The following FTO variants were observed in gnomAD, a reference collection of about 807,000 sequenced individuals.
FTO encodes FTO alpha-ketoglutarate dependent dioxygenase.
Under a neutral mutation model 63.9 loss-of-function variants are expected in FTO, and 47 were observed. That is an observed-to-expected ratio of 0.74 (90% CI 0.58 to 0.94). The LOEUF (loss-of-function observed/expected upper bound fraction) is 0.94, where lower values mean the gene tolerates loss of function less well. Ranked by LOEUF, FTO falls within the 40% of genes least tolerant of loss-of-function variation. FTO has a pLI of 0.00. For missense variants in FTO, 562 were observed against 618.1 expected (o/e 0.91, Z 0.96); for synonymous variants, 207 against 224.4 (o/e 0.92, Z 0.69).
chr16:53,874,640 T>G (rs995790315), intron 5 of FTO, among the ~76,000 whole-genome samples: 1 of 152,066 alleles, frequency 6.6e-6, no homozygotes, highest in African/African-American at 2.4e-5. Context: ...TACAACAAAG[T>G]GAGAGGTACA....
At chr16:53,725,827 A>G (rs1364284915) in intron 1 of FTO, among the ~76,000 whole-genome samples, 2 of 152,110 alleles carry the variant, frequency 1.3e-5, no homozygotes, top group Non-Finnish European at 2.9e-5. Context: ...TTCAAGTTCA[A>G]ACCTCTAAAG....
intron 8 of FTO, among the ~76,000 whole-genome samples, chr16:53,948,955 AGTGT>A (rs2082710444): frequency 6.6e-6 from 1 of 152,094 alleles, no homozygotes; most frequent in African/African-American, 2.4e-5. Flanking sequence ...CTTGCGCGTG[AGTGT>A]GTATGTGTGT....
intron 8 of FTO, among the ~76,000 whole-genome samples, chr16:53,957,976 T>G (rs542141860): frequency 5.9e-5 from 9 of 152,244 alleles, no homozygotes; most frequent in Non-Finnish European, 1.3e-4. Context: ...GACTGAATAT[T>G]TATAGTTTTG....
intron 8 of FTO, among the ~76,000 whole-genome samples, chr16:54,034,501 T>C (rs1184774561): frequency 6.6e-6 from 1 of 152,196 alleles, no homozygotes; most frequent in Admixed American, 6.5e-5. Flanking sequence ...AGTTCTGTTA[T>C]AGTCATTATC....
chr16:53,766,360 T>C (rs9932600), intron 1 of FTO, among the ~76,000 whole-genome samples: 111,247 of 151,916 alleles, frequency 0.73, 42,059 homozygotes, highest in African/African-American at 0.93. Flanking sequence ...TGAGTAGCTG[T>C]GACTACAGGC....
intron 1 of FTO, among the ~76,000 whole-genome samples, chr16:53,767,486 T>A (rs1207451550): frequency 6.6e-6 from 1 of 152,084 alleles, no homozygotes; most frequent in Non-Finnish European, 1.5e-5. Flanking sequence ...ACATGTACCC[T>A]AAAACTTAAA....
At chr16:53,759,986 G>A (rs1381461090) in intron 1 of FTO, among the ~76,000 whole-genome samples, 1 of 152,080 alleles carries the variant, frequency 6.6e-6, no homozygotes, top group African/African-American at 2.4e-5. Context: ...TGGTTGCCTG[G>A]CTGTTGGGAT....
chr16:53,883,626 A>AAG (rs1567396439), intron 6 of FTO, among the ~76,000 whole-genome samples: 2 of 145,846 alleles, frequency 1.4e-5, no homozygotes, highest in African/African-American at 5.2e-5. Context: ...CTATCTCAAA[A>AAG]AAAAAAAAAC....
At chr16:53,914,684 T>A (rs930550305) in intron 7 of FTO, among the ~76,000 whole-genome samples, 7 of 152,214 alleles carry the variant, frequency 4.6e-5, no homozygotes, top group African/African-American at 1.7e-4. Flanking sequence ...AGGACGGCCA[T>A]GGCGAATGCT....
chr16:53,876,882 G>A (rs2080671005), intron 5 of FTO, among the ~76,000 whole-genome samples: 1 of 152,178 alleles, frequency 6.6e-6, no homozygotes, highest in South Asian at 2.1e-4. Flanking sequence ...AGGCAAGATT[G>A]CACCACTGCA....
At chr16:54,099,347 G>A (rs2144587612) in intron 8 of FTO, among the ~76,000 whole-genome samples, 1 of 152,214 alleles carries the variant, frequency 6.6e-6, no homozygotes, top group East Asian at 1.9e-4. Context: ...TCCCTTGCAA[G>A]GAAAGTTACT....
intron 8 of FTO, among the ~76,000 whole-genome samples, chr16:54,068,605 G>GA (rs1431280062): frequency 6.6e-6 from 1 of 152,190 alleles, no homozygotes; most frequent in Non-Finnish European, 1.5e-5. Flanking sequence ...AAAGAGATGG[G>GA]AAAATAGCCT....
At chr16:53,958,836 T>G (rs1427708471) in intron 8 of FTO, among the ~76,000 whole-genome samples, 2 of 152,172 alleles carry the variant, frequency 1.3e-5, no homozygotes, top group Non-Finnish European at 1.5e-5. Context: ...CAGCCAACCT[T>G]TCTCAGAGTG....
chr16:53,740,858 G>C (rs900782019), intron 1 of FTO, among the ~76,000 whole-genome samples: 6 of 152,238 alleles, frequency 3.9e-5, no homozygotes, highest in Non-Finnish European at 8.8e-5. Flanking sequence ...AGGCTGAAAG[G>C]TTTAAAGAAG....
rs186150577 is a variant in FTO at position 54,048,634 on chromosome 16, C to G, written c.1365-63128C>G. ...TGTTTTTATGGAAACAGGGATGCCACGTCATTAATAACTCTGGCATGCCAT... is the reference window on the plus strand; with the variant it reads ...TGTTTTTATGGAAACAGGGATGCCAGGTCATTAATAACTCTGGCATGCCAT... On this transcript the variant is annotated intron_variant, in intron 8 of 8. Transcript: ENST00000471389. Among the ~76,000 whole-genome samples, 8 of 152,286 alleles carry G rather than the reference C, an allele frequency of 5.3e-5. No individual in the cohort carries two copies. In the East Asian group the frequency reaches 1.5e-3, roughly 29 times the overall value.
Position 53,816,842 on chromosome 16 carries a change from G to A in FTO, c.123+6625G>A, listed in dbSNP as rs1472524278. ...CTTATTGTCTGGCTCACCTTGCTAG[G>A]ACATGAGCTTCTAGAGAGAAAATAG... On this transcript the variant is annotated intron_variant, in intron 2 of 8. Coordinates refer to ENST00000471389, the MANE Select transcript of FTO (RefSeq NM_001080432.3). Among the ~76,000 whole-genome samples the A allele has an allele frequency of 2.0e-5, 3 of 152,208 alleles. No homozygotes were observed. In the East Asian group the frequency reaches 5.8e-4, roughly 29 times the overall value.
intron 8 of FTO, among the ~76,000 whole-genome samples, chr16:54,015,026 A>T (rs2084407098): frequency 7.7e-6 from 1 of 129,914 alleles, no homozygotes; most frequent in Admixed American, 7.0e-5. Context: ...TGGCTAATTA[A>T]ATTTTTTTTT....
At chr16:54,078,798 G>A (rs1176354076) in intron 8 of FTO, among the ~76,000 whole-genome samples, 1 of 152,028 alleles carries the variant, frequency 6.6e-6, no homozygotes, top group Non-Finnish European at 1.5e-5. Context: ...GGTGGTTCAC[G>A]CCTGGTGGGT....
chr16:54,021,402 C>G (rs1215964325), intron 8 of FTO, among the ~76,000 whole-genome samples: 1 of 142,794 alleles, frequency 7.0e-6, no homozygotes, highest in Non-Finnish European at 1.5e-5. Flanking sequence ...GTATAGCCTA[C>G]ATGGCTATAC....
Sources: allele counts gnomAD v4.1 joint callset (sites outside exome capture counted in the v4.1 genomes callset), GRCh38; gene constraint gnomAD v4.1.1; transcripts MANE v1.5; gene names NCBI Gene and HGNC (gene_info 2026-07-23, HGNC 2026-07-21).